The following AGBL4 variants were observed in gnomAD, a reference collection of about 807,000 sequenced individuals.
The protein encoded by AGBL4 is AGBL carboxypeptidase 4, also known as cytosolic carboxypeptidase 6.
A neutral mutation model predicts 66.4 loss-of-function variants in AGBL4; 58 were observed. The observed-to-expected ratio is 0.87, with a 90% CI of 0.71 to 1.09. The LOEUF (loss-of-function observed/expected upper bound fraction) is 1.09. AGBL4 is among the 50% of genes least tolerant of loss of function. The pLI is 0.00. For synonymous variants in AGBL4, 234 were observed against 222.9 expected (o/e 1.05, Z -0.44); for missense variants, 579 against 631.0 (o/e 0.92, Z 0.88).
At chr1:49,635,193 G>C (rs1223507926) in intron 3 of AGBL4, among the ~76,000 whole-genome samples, 1 of 152,170 alleles carries the variant, frequency 6.6e-6, no homozygotes, top group Non-Finnish European at 1.5e-5. Flanking sequence ...GAGTTCTAAA[G>C]CTGCATGTCT....
chr1:48,528,754 G>A (rs1643892349), downstream of AGBL4, among the ~76,000 whole-genome samples: 1 of 152,128 alleles, frequency 6.6e-6, no homozygotes, highest in Non-Finnish European at 1.5e-5. Flanking sequence ...ATTTCAGCTG[G>A]CAGAGAAGAT....
Position 50,019,296 on chromosome 1 carries a change from T to TCA in AGBL4, c.34+4466_34+4467insTG, listed in dbSNP as rs1382487557. On this transcript the variant is annotated intron_variant, in intron 1 of 13. Coordinates refer to ENST00000371839, the MANE Select transcript of AGBL4 (RefSeq NM_032785.4). ...CTCTCTCTCTCTCTCTCTCTCTCTC[T>TCA]CTCTCTCTCTCACACACACACACAC... Among the ~76,000 whole-genome samples, 20 of 92,792 alleles carry TCA rather than the reference T, an allele frequency of 2.2e-4. No individual in the cohort carries two copies. The South Asian group carries it at 2.5e-3, about 12-fold the overall frequency. The allele number at this position is 92,792 out of a possible 152,430, so 60.9% of individuals were successfully genotyped here. A position where few individuals can be genotyped will look rare whatever the true frequency, so the allele number is the denominator to read the frequency against.
chr1:49,095,531 G>A (rs921537212), intron 4 of AGBL4, among the ~76,000 whole-genome samples: 4 of 152,136 alleles, frequency 2.6e-5, no homozygotes, highest in Non-Finnish European at 5.9e-5. Context: ...CAGAAATAAT[G>A]CAACATATCT....
chr1:48,776,205 G>T (rs893544203), intron 6 of AGBL4, among the ~76,000 whole-genome samples: 1 of 152,132 alleles, frequency 6.6e-6, no homozygotes, highest in South Asian at 2.1e-4. Context: ...CTTAATTCTT[G>T]ACAGAAAAGA....
intron 3 of AGBL4, among the ~76,000 whole-genome samples, chr1:49,348,303 A>C (rs939910969): frequency 6.6e-6 from 1 of 152,162 alleles, no homozygotes; most frequent in Non-Finnish European, 1.5e-5. Flanking sequence ...CTGTAGTCCC[A>C]GCTACTGGGT....
chr1:49,294,567 T>C (rs896704729), intron 3 of AGBL4, among the ~76,000 whole-genome samples: 3 of 152,062 alleles, frequency 2.0e-5, no homozygotes, highest in African/African-American at 7.3e-5. Context: ...CAATTTTGAG[T>C]TTAATTGTGC....
chr1:49,561,272 CTTTTTA>C (rs1571039233), intron 3 of AGBL4, among the ~76,000 whole-genome samples: 1 of 151,238 alleles, frequency 6.6e-6, no homozygotes, highest in South Asian at 2.1e-4. Context: ...ATATTTTTTG[CTTTTTA>C]TTTTTATTTT....
At chr1:48,614,838 G>C (rs975548098) in intron 9 of AGBL4, among the ~76,000 whole-genome samples, 2 of 152,204 alleles carry the variant, frequency 1.3e-5, no homozygotes, top group African/African-American at 4.8e-5. Flanking sequence ...CAAGACTTCA[G>C]AGTTCAATAG....
intron 3 of AGBL4, among the ~76,000 whole-genome samples, chr1:49,373,919 C>T (rs1644419227): frequency 6.6e-6 from 1 of 152,074 alleles, no homozygotes; most frequent in Admixed American, 6.6e-5. Flanking sequence ...TTCTCCAAAC[C>T]TTGCCTCAGT....
At chr1:49,533,376 A>G (rs2148816093) in intron 3 of AGBL4, among the ~76,000 whole-genome samples, 1 of 152,280 alleles carries the variant, frequency 6.6e-6, no homozygotes, top group African/African-American at 2.4e-5. Context: ...AATCCTGGTA[A>G]TGATCTAAAT....
At chr1:48,859,564 T>C (rs1205551660) in intron 6 of AGBL4, among the ~76,000 whole-genome samples, 1 of 152,202 alleles carries the variant, frequency 6.6e-6, no homozygotes, top group African/African-American at 2.4e-5. Context: ...GTCTGCTTCT[T>C]AGTGAACCCC....
At chr1:49,204,000 A>C (rs1183601626) in intron 4 of AGBL4, among the ~76,000 whole-genome samples, 1 of 152,216 alleles carries the variant, frequency 6.6e-6, no homozygotes, top group African/African-American at 2.4e-5. Flanking sequence ...CACAACCATA[A>C]AGAAAATGGA....
chr1:49,113,182 C>T (rs937436488), intron 4 of AGBL4, among the ~76,000 whole-genome samples: 1 of 151,948 alleles, frequency 6.6e-6, no homozygotes, highest in Non-Finnish European at 1.5e-5. Context: ...GATCTCCTGA[C>T]CTCGTGATCC....
chr1:49,985,010 T>C (rs1659381306), intron 1 of AGBL4, among the ~76,000 whole-genome samples: 1 of 152,026 alleles, frequency 6.6e-6, no homozygotes, highest in South Asian at 2.1e-4. Flanking sequence ...GTGAGAAAAA[T>C]CACTTATTCT....
In AGBL4 at chr1:48,680,045, G is replaced by A. The variant is rs1391343538; in HGVS notation, c.635-16804C>T. On this transcript the variant is annotated intron_variant, in intron 6 of 13. Transcript: ENST00000371839. ...TTGGCACATTGTAAGGCTGCAGTCA[G>A]TGTTTGCTAAATGGAATTGAGAGAA... Among the ~76,000 whole-genome samples the A allele has an allele frequency of 2.2e-4, 34 of 152,228 alleles. 1 individual carries two copies. The highest frequency in any genetic ancestry group is 2.9e-5 in the Non-Finnish European group (2 of 68,042).
At chr1:49,243,701 T>TAA (rs1033119614) in intron 4 of AGBL4, among the ~76,000 whole-genome samples, 1 of 146,476 alleles carries the variant, frequency 6.8e-6, no homozygotes, top group African/African-American at 2.5e-5. Flanking sequence ...TCCTATGAAG[T>TAA]AAAAAAAAAA....
intron 3 of AGBL4, among the ~76,000 whole-genome samples, chr1:49,457,839 T>C (rs1646424099): frequency 6.6e-6 from 1 of 151,822 alleles, no homozygotes; most frequent in Non-Finnish European, 1.5e-5. Flanking sequence ...CTTTATGTTT[T>C]TGTTTGCTTT....
At chr1:49,487,476 A>G in intron 3 of AGBL4, among the ~76,000 whole-genome samples, 1 of 151,898 alleles carries the variant, frequency 6.6e-6, no homozygotes, top group South Asian at 2.1e-4. Flanking sequence ...TGTTCTCCTC[A>G]GACAGACAAG....
At chr1:48,769,526 A>AAC (rs558937968) in intron 6 of AGBL4, among the ~76,000 whole-genome samples, 25,564 of 129,924 alleles carry the variant, frequency 0.2, 2,717 homozygotes, top group East Asian at 0.45. Context: ...GAGGATTTAA[A>AAC]ACACACACAC....
Sources: gnomAD v4.1 joint callset for allele counts (sites outside exome capture counted in the v4.1 genomes callset) on GRCh38, gnomAD v4.1.1 for gene constraint, MANE v1.5 for transcripts, NCBI Gene and HGNC (gene_info 2026-07-23, HGNC 2026-07-21) for gene names.